Variants in STIM1 observed in about 807,000 individuals in gnomAD.
STIM1 encodes the protein stromal interaction molecule 1.
In STIM1, 25 loss-of-function variants were observed where a neutral mutation model predicts 74.7. The ratio of observed to expected loss-of-function variants is 0.33; its 90% confidence interval spans 0.24 to 0.47. STIM1 has a LOEUF of 0.47. Ranked by LOEUF, STIM1 falls within the 20% of genes least tolerant of loss-of-function variation. The pLI is 1.00. For missense variants in STIM1, 728 were observed against 920.8 expected (o/e 0.79, Z 2.71); for synonymous variants, 328 against 348.8 (o/e 0.94, Z 0.66).
chr11:3,994,998 T>A (rs1027812123), intron 2 of STIM1, among the ~76,000 whole-genome samples: 4 of 152,220 alleles, frequency 2.6e-5, no homozygotes, highest in East Asian at 3.8e-4. Context: ...GTTCTTTTTT[T>A]AAAACAATAA....
rs1565105101 is a variant in STIM1 at position 3,895,703 on chromosome 11, TTTC to T, written c.139+39297_139+39299del. ...CCTTCCTTCTTTCTTTCTTTCTTTC[TTTC>T]TTTCTTTCTTTCTTTCTTTCTTTCT... is the stretch of plus-strand genomic sequence containing the variant. On this transcript the variant is annotated intron_variant, in intron 1 of 12. Coordinates refer to ENST00000526596, the MANE Select transcript of STIM1 (RefSeq NM_001382567.1). 1.2e-3 allele frequency among the ~76,000 whole-genome samples: 40 copies of T among 32,912 alleles called. 1 individual carries two copies. Among genetic ancestry groups the T allele is most frequent in the South Asian group, 2.4e-3 (2 of 828 alleles). The allele number at this position is 32,912 out of a possible 152,430, so 21.6% of individuals were successfully genotyped here.
rs562538546 is a variant in STIM1, at chr11:4,000,807, A to G, written c.271-23066A>G. ...TACTCCAAGCTACAGGAGGAAATTC[A>G]AACCAAAGGCAAAGAAGTTGAAAAC... On this transcript the variant is annotated intron_variant, in intron 2 of 12. Transcript: ENST00000526596. Among the ~76,000 whole-genome samples, 138 of 152,324 alleles carry G rather than the reference A, an allele frequency of 9.1e-4. No homozygotes were observed. The Middle Eastern group carries it at 0.014, about 15-fold the overall frequency.
chr11:4,022,335 CAA>C (rs60560723), intron 2 of STIM1, among the ~76,000 whole-genome samples: 4,402 of 104,972 alleles, frequency 0.042, 167 homozygotes, highest in East Asian at 0.2. Flanking sequence ...GAACCTGTCT[CAA>C]AAAAAAAAAA....
chr11:3,877,050 T>C (rs2091327203), intron 1 of STIM1, among the ~76,000 whole-genome samples: 1 of 152,080 alleles, frequency 6.6e-6, no homozygotes, highest in Non-Finnish European at 1.5e-5. Flanking sequence ...GGGAGAGTTG[T>C]TTAAAAAAAA....
intron 4 of STIM1, chr11:4,058,947 G>T: frequency 8.7e-7 from 1 of 1,145,648 alleles, no homozygotes; most frequent in Non-Finnish European, 1.1e-6. Context: ...ATGGTAGGAG[G>T]TGGGGAAAAT....
intron 2 of STIM1, among the ~76,000 whole-genome samples, chr11:3,992,089 G>T (rs7939379): frequency 0.3 from 28,688 of 95,110 alleles, 4,410 homozygotes; most frequent in South Asian, 0.47. Context: ...CTGTTTTTTT[G>T]TTTTTTTTTT....
chr11:3,889,099 T>G (rs953339208), intron 1 of STIM1, among the ~76,000 whole-genome samples: 1 of 149,390 alleles, frequency 6.7e-6, no homozygotes, highest in Non-Finnish European at 1.5e-5. Context: ...GAGTTCCCTG[T>G]TTAGTGAGTG....
intron 3 of STIM1, among the ~76,000 whole-genome samples, chr11:4,031,058 C>T (rs1249329233): frequency 6.6e-6 from 1 of 152,162 alleles, no homozygotes; most frequent in Non-Finnish European, 1.5e-5. Context: ...CCTTTGTAGT[C>T]TCTGCTCCCC....
At chr11:3,974,119 G>A (rs2093422605) in intron 2 of STIM1, 2 of 674,878 alleles carry the variant, frequency 3.0e-6, no homozygotes, top group Admixed American at 2.1e-5. Flanking sequence ...CAGTCTGTGA[G>A]TGCTCCCTGT....
At chr11:3,978,559 G>C (rs1003727684) in intron 2 of STIM1, among the ~76,000 whole-genome samples, 2 of 150,288 alleles carry the variant, frequency 1.3e-5, no homozygotes, top group African/African-American at 4.9e-5. Context: ...TCAGGAGTTT[G>C]AGACCAGCCT....
chr11:3,875,617 C>T (rs1252347670), intron 1 of STIM1, among the ~76,000 whole-genome samples: 1 of 151,624 alleles, frequency 6.6e-6, no homozygotes, highest in East Asian at 1.9e-4. Context: ...ATCCCAGCTA[C>T]TTGGGGGTAG....
At position 4,059,275 on chromosome 11, in the gene STIM1, C is replaced by CA; in HGVS notation, c.498-4dup. 6.2e-7 allele frequency: 1 copy of CA among 1,613,468 alleles called. No homozygotes were observed. Among genetic ancestry groups the CA allele is most frequent in the Non-Finnish European group, 8.5e-7 (1 of 1,179,450 alleles). ...GGAACTGATCTGCTACTCTTTGCCT[C>CA]AACAGGCTGGCTGTCACCAACACCA... On this transcript the variant is annotated splice_polypyrimidine_tract_variant and splice_region_variant and intron_variant, in intron 4 of 12. Coordinates refer to ENST00000526596, the MANE Select transcript of STIM1 (RefSeq NM_001382567.1).
chr11:4,019,525 A>T (rs549801519), intron 2 of STIM1, among the ~76,000 whole-genome samples: 6 of 152,134 alleles, frequency 3.9e-5, no homozygotes, highest in African/African-American at 1.4e-4. Context: ...AATTTAAAAA[A>T]ATAGCTCGGT....
At chr11:4,074,706 AC>A in intron 7 of STIM1, 27 bp downstream of exon 7, 1 of 1,551,640 alleles carries the variant, frequency 6.4e-7, no homozygotes, top group Non-Finnish European at 8.7e-7. Context: ...ATTCCTGGAC[AC>A]CTTGACGGGT....
chr11:3,888,269 G>A (rs2091789307), intron 1 of STIM1: 1 of 152,122 alleles, frequency 6.6e-6, no homozygotes, highest in South Asian at 2.1e-4. Context: ...TTTTCATTTG[G>A]GGCTATTTTC....
At chr11:4,001,862 CAT>C (rs2093721190) in intron 2 of STIM1, among the ~76,000 whole-genome samples, 1 of 139,462 alleles carries the variant, frequency 7.2e-6, no homozygotes, top group African/African-American at 2.7e-5. Context: ...CAGAGACACA[CAT>C]AGGCTCAAAA....
chr11:4,092,111 G>T lies in STIM1; in HGVS notation c.*313G>T. 1 of 438,374 alleles carries T rather than the reference G, an allele frequency of 2.3e-6. No individual in the cohort carries two copies. The highest frequency in any genetic ancestry group is 4.2e-6 in the Non-Finnish European group (1 of 236,626). 27.2% of individuals were successfully genotyped at this position (438,374 alleles called of 1,614,324 possible). On this transcript the variant is annotated 3_prime_UTR_variant, in exon 13 of 13. Transcript: ENST00000526596. ...GCTCCACCTCTGGGGTTCAGCTTCT[G>T]TCTCTGCTGTCCCAGTTTTGAGGTT...
At chr11:3,902,597 G>A (rs1427332284) in intron 1 of STIM1, among the ~76,000 whole-genome samples, 2 of 152,198 alleles carry the variant, frequency 1.3e-5, no homozygotes, top group African/African-American at 2.4e-5. Flanking sequence ...GACAGGAGGC[G>A]GAGCTCAGGC....
At chr11:3,933,214 T>C (rs942939181) in intron 1 of STIM1, among the ~76,000 whole-genome samples, 1 of 152,216 alleles carries the variant, frequency 6.6e-6, no homozygotes, top group African/African-American at 2.4e-5. Context: ...GTTGTTCACA[T>C]GGGCTGTGTT....
Sources: gnomAD v4.1 joint callset for allele counts (sites outside exome capture counted in the v4.1 genomes callset) on GRCh38, gnomAD v4.1.1 for gene constraint, MANE v1.5 for transcripts, NCBI Gene and HGNC (gene_info 2026-07-23, HGNC 2026-07-21) for gene names.